Variants in RAB11FIP4 observed in about 807,000 individuals in gnomAD.
The protein encoded by RAB11FIP4 is rab11 family-interacting protein 4.
RAB11FIP4 carries 23 observed loss-of-function variants against 74.3 expected under a neutral mutation model. The observed-to-expected ratio is 0.31, with a 90% confidence interval of 0.22 to 0.44. The LOEUF is 0.44. Ranked by LOEUF, RAB11FIP4 falls within the 20% of genes least tolerant of loss-of-function variation. The pLI, the probability that RAB11FIP4 is intolerant of heterozygous loss-of-function variation, is 1.00. For synonymous variants in RAB11FIP4, 360 were observed against 359.9 expected, an observed-to-expected ratio of 1.00 and a Z score of 0.00; for missense variants, 630 against 863.9, an observed-to-expected ratio of 0.73 and a Z score of 3.39.
chr17:31,514,301 A>G (rs1466382330), intron 3 of RAB11FIP4, among the ~76,000 whole-genome samples: 1 of 152,216 alleles, frequency 6.6e-6, no homozygotes, highest in Non-Finnish European at 1.5e-5. Context: ...AGTGCCCGGC[A>G]CACACTCGGC....
rs879662477 is a variant in RAB11FIP4 at position 31,487,983 on chromosome 17, G to A, written c.337-29668G>A. 1.2e-3 allele frequency: 1,176 copies of A among 941,332 alleles called. 3 individuals are homozygous for A. Among genetic ancestry groups the A allele is most frequent in the South Asian group, 1.4e-3 (28 of 20,240 alleles). 58.3% of individuals were successfully genotyped at this position (941,332 alleles called of 1,614,324 possible). On this transcript the variant is annotated intron_variant, in intron 3 of 14. Transcript: ENST00000621161. The stretch of plus-strand genomic sequence containing the variant: ...CCGCCCCCGCCCCCGCCCCGCCCCG[G>A]CGCGAGGCCCCGCCCCCGAGTCCCG...
intron 3 of RAB11FIP4, among the ~76,000 whole-genome samples, chr17:31,501,562 T>C (rs1003394465): frequency 2.0e-5 from 3 of 152,162 alleles, no homozygotes; most frequent in African/African-American, 7.2e-5. Flanking sequence ...GGAGTCTGGC[T>C]CTGTTGCCCA....
At chr17:31,438,111 G>A (rs1448174479) in intron 3 of RAB11FIP4, among the ~76,000 whole-genome samples, 2 of 152,112 alleles carry the variant, frequency 1.3e-5, no homozygotes, top group Non-Finnish European at 2.9e-5. Flanking sequence ...CATGCATGGG[G>A]TCCCTGGAAT....
At chr17:31,510,253 G>C (rs1204268643) in intron 3 of RAB11FIP4, among the ~76,000 whole-genome samples, 1 of 152,200 alleles carries the variant, frequency 6.6e-6, no homozygotes, top group Non-Finnish European at 1.5e-5. Flanking sequence ...GGCCCATCTC[G>C]TTCCAGAGCT....
At chr17:31,410,905 G>A (rs190322618) in intron 1 of RAB11FIP4, among the ~76,000 whole-genome samples, 6 of 152,318 alleles carry the variant, frequency 3.9e-5, no homozygotes, top group African/African-American at 1.4e-4. Flanking sequence ...AGAATCTCCA[G>A]GGGAGGCCCT....
At chr17:31,412,751 C>T (rs1017377960) in intron 1 of RAB11FIP4, among the ~76,000 whole-genome samples, 12 of 152,186 alleles carry the variant, frequency 7.9e-5, no homozygotes, top group African/African-American at 1.2e-4. Context: ...AGACACCAGG[C>T]GCAGATAGGT....
At chr17:31,460,739 A>G (rs1329395632) in intron 3 of RAB11FIP4, among the ~76,000 whole-genome samples, 2 of 151,972 alleles carry the variant, frequency 1.3e-5, no homozygotes, top group Admixed American at 6.6e-5. Context: ...AGACATATAT[A>G]TATTTCTTCA....
intron 10 of RAB11FIP4, 48 bp from the exon 11 acceptor site, chr17:31,527,794 A>G (rs1301418652): frequency 1.4e-6 from 2 of 1,440,976 alleles, no homozygotes; most frequent in African/African-American, 1.4e-5. Context: ...CGCTTATCAG[A>G]TAGTCTACAT....
Position 31,502,503 on chromosome 17 carries a change from CAA to C in RAB11FIP4, c.337-15147_337-15146del, listed in dbSNP as rs1389741777. Among the ~76,000 whole-genome samples the C allele has an allele frequency of 2.0e-5, 3 of 152,260 alleles. No homozygotes were observed. In the East Asian group the frequency reaches 5.8e-4, roughly 29 times the overall value. On this transcript the variant is annotated intron_variant, in intron 3 of 14. Transcript: ENST00000621161. ...CTGAGGCAGGAGAATTGCTTGAACC[CAA>C]GAGACAGAGGTTGCAGTGAGCTGAG...
intron 1 of RAB11FIP4, among the ~76,000 whole-genome samples, chr17:31,425,747 C>A (rs1157334251): frequency 6.6e-6 from 1 of 152,202 alleles, no homozygotes. Flanking sequence ...ACAACAGCTG[C>A]TTCTGCAATG....
In RAB11FIP4 at chr17:31,512,879, C is replaced by T. The variant is rs969519287; in HGVS notation, c.337-4772C>T. 6.6e-6 allele frequency among the ~76,000 whole-genome samples: 1 copy of T among 152,098 alleles called. No individual in the cohort carries two copies. The highest frequency in any genetic ancestry group is 2.4e-5 in the African/African-American group (1 of 41,400). ...CAGCAGGCGGGAATGGGCAGGAAAC[C>T]GGGGCTCTGAGAGGCAGTCTTGGAA... On this transcript the variant is annotated intron_variant, in intron 3 of 14. Transcript: ENST00000621161. The surrounding 1 kb of genome is among the most constrained non-coding windows in gnomAD (Gnocchi z 4.1).
chr17:31,521,461 T>C (rs1007141494), intron 5 of RAB11FIP4, 101 bp downstream of exon 5: 9 of 1,054,554 alleles, frequency 8.5e-6, no homozygotes, highest in Middle Eastern at 2.7e-4. Context: ...GCTGGCCCTT[T>C]TCCTTTGTCC....
At chr17:31,516,807 G>C (rs1051259878) in intron 3 of RAB11FIP4, among the ~76,000 whole-genome samples, 2 of 152,220 alleles carry the variant, frequency 1.3e-5, no homozygotes, top group African/African-American at 4.8e-5. Context: ...GATGGGAGCA[G>C]GCCCAAGCAT....
At chr17:31,471,518 A>G (rs2071736542) in intron 3 of RAB11FIP4, among the ~76,000 whole-genome samples, 1 of 152,138 alleles carries the variant, frequency 6.6e-6, no homozygotes, top group Admixed American at 6.5e-5. Context: ...CGTGAGAGAG[A>G]TACTATTCCT....
intron 1 of RAB11FIP4, among the ~76,000 whole-genome samples, chr17:31,423,375 C>T (rs1243520195): frequency 6.6e-6 from 1 of 151,446 alleles, no homozygotes; most frequent in Admixed American, 6.6e-5. Flanking sequence ...TTTGTTTATT[C>T]GTTTGTTTTT....
rs73277766 is a variant in RAB11FIP4 at position 31,400,716 on chromosome 17, C to A, written c.159+8705C>A. Among the ~76,000 whole-genome samples, 9 of 152,242 alleles carry A rather than the reference C, an allele frequency of 5.9e-5. No individual in the cohort carries two copies. In the East Asian group the frequency reaches 1.5e-3, roughly 26 times the overall value. ...AGCAAGAGGAGACTTTGGAGACAAG[C>A]TGCCGTTGCTGGGTGGGGAGGCAGA... On this transcript the variant is annotated intron_variant, in intron 1 of 14. Coordinates refer to ENST00000621161, the MANE Select transcript of RAB11FIP4 (RefSeq NM_032932.6).
chr17:31,528,392 T>C lies in RAB11FIP4; in HGVS notation c.1357-14T>C. ...TGGGAACTCTCCTCCCCTGATCGGG[T>C]CTCCCTGCTCCAGGAGCGGCAGCGC... On this transcript the variant is annotated splice_polypyrimidine_tract_variant and intron_variant, in intron 11 of 14. Coordinates refer to ENST00000621161, the MANE Select transcript of RAB11FIP4 (RefSeq NM_032932.6). 1 of 1,610,618 alleles carries C rather than the reference T, an allele frequency of 6.2e-7. No homozygotes were observed. Among genetic ancestry groups the C allele is most frequent in the South Asian group, 1.1e-5 (1 of 90,944 alleles).
chr17:31,462,824 C>T (rs144232514), intron 3 of RAB11FIP4, among the ~76,000 whole-genome samples: 3 of 152,174 alleles, frequency 2.0e-5, no homozygotes, highest in Non-Finnish European at 4.4e-5. Context: ...TTAGTGGAGA[C>T]GGAGTTTCGC....
intron 3 of RAB11FIP4, among the ~76,000 whole-genome samples, chr17:31,517,224 A>AGGGGGGGGG (rs2072574206): frequency 2.0e-5 from 2 of 98,966 alleles, no homozygotes; most frequent in Admixed American, 1.0e-4. Context: ...GCGGGGGGGA[A>AGGGGGGGGG]GGGGATGCAA....
Sources: allele counts gnomAD v4.1 joint callset (sites outside exome capture counted in the v4.1 genomes callset), GRCh38; gene constraint gnomAD v4.1.1; non-coding constraint Gnocchi (gnomAD v3.1); transcripts MANE v1.5; gene names NCBI Gene and HGNC (gene_info 2026-07-23, HGNC 2026-07-21).